Variants in ITGA6 observed in about 807,000 individuals in gnomAD.
ITGA6 encodes the protein integrin subunit alpha 6.
Under a neutral mutation model 133.6 loss-of-function variants are expected in ITGA6, and 63 were observed. The ratio of observed to expected loss-of-function variants is 0.47; its 90% confidence interval spans 0.38 to 0.58. ITGA6 has a LOEUF of 0.58. Among genes scored for constraint, ITGA6 ranks in the 20% least tolerant of loss-of-function variants. ITGA6 has a pLI of 0.00. For missense variants in ITGA6, 1,068 were observed against 1,309.4 expected (o/e 0.82, Z 2.85); for synonymous variants, 434 against 482.0 (o/e 0.90, Z 1.30).
At chr2:172,457,577 T>C (rs1175995101) in intron 1 of ITGA6, among the ~76,000 whole-genome samples, 1 of 152,226 alleles carries the variant, frequency 6.6e-6, no homozygotes, top group African/African-American at 2.4e-5. Flanking sequence ...AACGATCAAA[T>C]GTCAGTTGAC....
chr2:172,488,106 GGTGT>G lies in ITGA6; in HGVS notation c.2403-19_2403-16del. The G allele has an allele frequency of 6.2e-7, 1 of 1,609,328 alleles. No individual in the cohort carries two copies. ...ACCATTTACAATCCTCATTAAAACTGGTGTTTTTTAATTTGACAGAGTTGCTAAA... is the reference window on the plus strand; with the variant it reads ...ACCATTTACAATCCTCATTAAAACTGTTTTTAATTTGACAGAGTTGCTAAA... On this transcript the variant is annotated splice_polypyrimidine_tract_variant and intron_variant, in intron 18 of 25. Transcript: ENST00000684293.
intron 1 of ITGA6, among the ~76,000 whole-genome samples, chr2:172,445,354 CA>C (rs1027666620): frequency 0.02 from 2,112 of 104,754 alleles, 27 homozygotes; most frequent in South Asian, 0.086. Context: ...TTTTTTTTAA[CA>C]AAAAAAAAAA....
Position 172,474,275 on chromosome 2 carries a change from C to T in ITGA6, c.986+10C>T. On this transcript the variant is annotated intron_variant, in intron 6 of 25. Coordinates refer to ENST00000684293, the MANE Select transcript of ITGA6 (RefSeq NM_000210.4). ...ACCTCAACAAGGATGGGTGAGAAAG[C>T]CTCAGGTTATATTATGCTGCAAATC... 1 of 1,609,912 alleles carries T rather than the reference C, an allele frequency of 6.2e-7. No homozygotes were observed. Among genetic ancestry groups the T allele is most frequent in the Non-Finnish European group, 8.5e-7 (1 of 1,176,392 alleles).
chr2:172,443,076 A>G (rs536726570), intron 1 of ITGA6, among the ~76,000 whole-genome samples: 7 of 152,312 alleles, frequency 4.6e-5, no homozygotes, highest in Admixed American at 2.6e-4. Flanking sequence ...TGGGCATCCT[A>G]TTCTTCCTGG....
chr2:172,491,790 C>A lies in ITGA6; in HGVS notation c.2988+267C>A, dbSNP rs1373146755. Reference sequence around the variant, plus strand: ...TTCAGAGAATGGGTGCACCTCACAGCCCTCTAGAAACCTGTGTCTTCTACC... The same window carrying A: ...TTCAGAGAATGGGTGCACCTCACAGACCTCTAGAAACCTGTGTCTTCTACC... On this transcript the variant is annotated intron_variant, in intron 23 of 25. Coordinates refer to ENST00000684293, the MANE Select transcript of ITGA6 (RefSeq NM_000210.4). The surrounding 1 kb of genome is among the most constrained non-coding windows in gnomAD (Gnocchi z 4.4). Among the ~76,000 whole-genome samples, 1 of 152,128 alleles carries A rather than the reference C, an allele frequency of 6.6e-6. No individual in the cohort carries two copies. The highest frequency in any genetic ancestry group is 2.4e-5 in the African/African-American group (1 of 41,420).
chr2:172,469,404 A>G (rs372536691), intron 4 of ITGA6, 24 bp downstream of exon 4: 1 of 1,607,204 alleles, frequency 6.2e-7, no homozygotes, highest in African/African-American at 1.3e-5. Flanking sequence ...ATTTATAGAA[A>G]TAGAGATTAG....
intron 13 of ITGA6, among the ~76,000 whole-genome samples, chr2:172,486,141 C>T (rs1372552848): frequency 7.1e-6 from 1 of 140,778 alleles, no homozygotes; most frequent in African/African-American, 2.6e-5. Context: ...CACCACTGCA[C>T]TCCAGCCTGG....
intron 7 of ITGA6, 23 bp downstream of exon 7, chr2:172,475,145 G>C (rs1686114049): frequency 1.5e-6 from 2 of 1,350,308 alleles, no homozygotes; most frequent in South Asian, 1.2e-5. Flanking sequence ...TTATGAAATG[G>C]CTATGATTTA....
intron 9 of ITGA6, among the ~76,000 whole-genome samples, chr2:172,479,382 C>CT (rs1686324955): frequency 6.6e-6 from 1 of 152,234 alleles, no homozygotes; most frequent in African/African-American, 2.4e-5. Flanking sequence ...AAAATATTTA[C>CT]TTTAACCCCC....
chr2:172,480,194 C>G, intron 11 of ITGA6, 143 bp downstream of exon 11: 2 of 687,182 alleles, frequency 2.9e-6, no homozygotes, highest in Non-Finnish European at 5.3e-6. Context: ...TGTTTTGTCT[C>G]CCTTTTAATC....
chr2:172,435,027 A>AGTGTGTGTGTGTGTGTGTGTGTGTGT (rs72087668), intron 1 of ITGA6, among the ~76,000 whole-genome samples: 1 of 144,068 alleles, frequency 6.9e-6, no homozygotes, highest in African/African-American at 2.6e-5. Context: ...GGTGGTTTTA[A>AGTGTGTGTGTGTGTGTGTGTGTGTGT]GTGTGTGTGT....
In ITGA6 at chr2:172,487,047, G is replaced by C; in HGVS notation, c.1879G>C (p.Gly627Arg). The C allele has an allele frequency of 6.2e-7, 1 of 1,609,368 alleles. No homozygotes were observed. Among genetic ancestry groups the C allele is most frequent in the Non-Finnish European group, 8.5e-7 (1 of 1,175,756 alleles). Residue 627 changes from glycine (G) to arginine (R), a missense_variant, in exon 14 of 26, where the codon GGA (glycine) becomes CGA (arginine). Gly to Arg is a moderately radical substitution (Grantham distance 125). Coordinates refer to ENST00000684293, the MANE Select transcript of ITGA6 (RefSeq NM_000210.4). ...IDVHFLKEGC[G>R]DDNVCNSNLK... The stretch of plus-strand genomic sequence containing the variant: ...GGTTCACTTCTTAAAAGAGGGATGT[G>C]GAGACGACAATGTATGTAACAGCAA...
At chr2:172,449,332 T>A (rs1684888334) in intron 1 of ITGA6, among the ~76,000 whole-genome samples, 1 of 152,222 alleles carries the variant, frequency 6.6e-6, no homozygotes, top group South Asian at 2.1e-4. Context: ...ATATGAGTAG[T>A]TCGTTTGCTA....
intron 1 of ITGA6, among the ~76,000 whole-genome samples, chr2:172,454,657 T>C (rs1010529616): frequency 6.6e-6 from 1 of 152,202 alleles, no homozygotes; most frequent in South Asian, 2.1e-4. Context: ...AAGAAGCCTA[T>C]GTCCTGACCC....
chr2:172,487,614 T>G lies in ITGA6; in HGVS notation c.2228T>G (p.Phe743Cys). The G allele has an allele frequency of 6.2e-7, 1 of 1,614,160 alleles. No individual in the cohort carries two copies. Residue 743 changes from phenylalanine to cysteine, a missense_variant, in exon 16 of 26, where the codon TTT becomes TGT. Phe to Cys is a radical substitution (Grantham distance 205, BLOSUM62 -2). Around this residue, in one of 3 missense-constraint regions of ITGA6, gnomAD observed 609 missense variants for 707.2 expected, o/e 0.86. Coordinates refer to ENST00000684293, the MANE Select transcript of ITGA6 (RefSeq NM_000210.4). Reference sequence around the variant, plus strand: ...GCTGACTGTGAGCTCGGAAATCCTTTTAAAAGAAATTCAAATGTAGGTGAT... The same window carrying G: ...GCTGACTGTGAGCTCGGAAATCCTTGTAAAAGAAATTCAAATGTAGGTGAT... ...SQADCELGNP[F>C]KRNSNVTFYL...
chr2:172,502,282 T>C (rs1253398829), intron 25 of ITGA6, among the ~76,000 whole-genome samples: 1 of 152,226 alleles, frequency 6.6e-6, no homozygotes, highest in Non-Finnish European at 1.5e-5. Flanking sequence ...GAAATCATTC[T>C]AGATTTCTTG....
At chr2:172,473,116 T>G (rs1457494895) in intron 5 of ITGA6, among the ~76,000 whole-genome samples, 3 of 152,214 alleles carry the variant, frequency 2.0e-5, no homozygotes, top group Non-Finnish European at 4.4e-5. Context: ...ACTTCACAAT[T>G]TGAGAACTGC....
At chr2:172,468,075 T>C (rs940934843) in intron 3 of ITGA6, among the ~76,000 whole-genome samples, 1 of 152,234 alleles carries the variant, frequency 6.6e-6, no homozygotes, top group Admixed American at 6.5e-5. Flanking sequence ...AATAACTTAT[T>C]AAAGAACCTT....
At position 172,505,142 on chromosome 2, in the gene ITGA6, T is replaced by C. The variant is rs1687505318; in HGVS notation, c.*1074T>C. The C allele has an allele frequency of 1.3e-5, 2 of 152,598 alleles. No individual in the cohort carries two copies. The highest frequency in any genetic ancestry group is 1.3e-4 in the Admixed American group (2 of 15,280). The allele number at this position is 152,598 out of a possible 1,614,324, so 9.5% of individuals were successfully genotyped here. The stretch of plus-strand genomic sequence containing the variant: ...AGCCTCCACCCCACAACCCAAAAGG[T>C]TTAAGAAATAGAATTATAACTGTAA... On this transcript the variant is annotated 3_prime_UTR_variant, in exon 26 of 26. Coordinates refer to ENST00000684293, the MANE Select transcript of ITGA6 (RefSeq NM_000210.4).
Sources: gnomAD v4.1 joint callset for allele counts (sites outside exome capture counted in the v4.1 genomes callset) on GRCh38, gnomAD v4.1.1 for gene constraint, gnomAD v4.1.1 regional missense constraint, Gnocchi (gnomAD v3.1) non-coding constraint, MANE v1.5 for transcripts, NCBI Gene and HGNC (gene_info 2026-07-23, HGNC 2026-07-21) for gene names.